Variants in CYGB observed in about 807,000 individuals in gnomAD.
CYGB encodes cytoglobin.
CYGB carries 13 observed loss-of-function variants against 20.7 expected under a neutral mutation model. The ratio of observed to expected loss-of-function variants is 0.63; its 90% CI spans 0.41 to 1.00. CYGB has a LOEUF of 1.00. Ranked by LOEUF, CYGB falls within the 50% of genes least tolerant of loss-of-function variation. CYGB has a pLI of 0.00. For synonymous variants in CYGB, 93 were observed against 107.4 expected, an observed-to-expected ratio of 0.87 and a Z score of 0.83; for missense variants, 218 against 257.2, an observed-to-expected ratio of 0.85 and a Z score of 1.04.
At chr17:76,549,780 T>C (rs888499943) in intron 1 of CYGB, among the ~76,000 whole-genome samples, 14 of 151,990 alleles carry the variant, frequency 9.2e-5, no homozygotes, top group African/African-American at 3.4e-4. Context: ...CATGGGTAAA[T>C]TGAGAGAAGC....
chr17:76,539,764 A>G (rs1057057918), upstream of CYGB, among the ~76,000 whole-genome samples: 1 of 152,176 alleles, frequency 6.6e-6, no homozygotes, highest in African/African-American at 2.4e-5. Flanking sequence ...CAACTCTGAA[A>G]GTGCCCTGTA....
intron 1 of CYGB, among the ~76,000 whole-genome samples, chr17:76,548,090 AAC>A (rs909648197): frequency 3.3e-5 from 5 of 152,034 alleles, no homozygotes; most frequent in East Asian, 1.9e-4. Flanking sequence ...ACACAAATAA[AAC>A]AGACACACAG....
Position 76,533,202 on chromosome 17 carries a change from C to T in CYGB, c.144-1511G>A, listed in dbSNP as rs1321103797. 5.3e-5 allele frequency among the ~76,000 whole-genome samples: 8 copies of T among 152,048 alleles called. No homozygotes were observed. The highest frequency in any genetic ancestry group is 4.6e-4 in the Admixed American group (7 of 15,252). On this transcript the variant is annotated intron_variant, in intron 1 of 3. Coordinates refer to ENST00000293230, the MANE Select transcript of CYGB (RefSeq NM_134268.5). The surrounding 1 kb of genome is among the most constrained non-coding windows in gnomAD (Gnocchi z 4.5). ...ACTCAGGAGGGCCCCTCTCAGAGGCCAACTGTGACCTTGGGCAAACCGCTT... is the reference window on the plus strand; with the variant it reads ...ACTCAGGAGGGCCCCTCTCAGAGGCTAACTGTGACCTTGGGCAAACCGCTT...
chr17:76,548,884 T>G (rs959146716), intron 1 of CYGB, among the ~76,000 whole-genome samples: 37 of 152,296 alleles, frequency 2.4e-4, no homozygotes, highest in Middle Eastern at 3.4e-3. Flanking sequence ...CATGACTGCC[T>G]CAGCTTCTGC....
chr17:76,544,369 G>A lies in CYGB; in HGVS notation c.-53+6493C>T, dbSNP rs1451322382. ...TGCCTCTGAAGGGAAGGAAGGGAAA[G>A]GGTGAGGGATGCCGCAGAGCAGAGG... is the stretch of plus-strand genomic sequence containing the variant. On this transcript the variant is annotated intron_variant, in intron 1 of 3. Coordinates refer to the CYGB transcript ENST00000589145. The A allele has an allele frequency of 8.8e-6, 4 of 454,802 alleles. No individual in the cohort carries two copies. The Admixed American group carries it at 9.4e-5, about 11-fold the overall frequency. 28.2% of individuals were successfully genotyped at this position (454,802 alleles called of 1,614,324 possible).
upstream of CYGB, chr17:76,540,248 G>T (rs2074971504): frequency 2.1e-6 from 3 of 1,401,430 alleles, no homozygotes; most frequent in South Asian, 2.5e-5. The surrounding 1 kb of genome is among the most constrained non-coding windows in gnomAD (Gnocchi z 5.0). Context: ...GCTGGCGGTT[G>T]GTCGGGGGGG....
upstream of CYGB, among the ~76,000 whole-genome samples, chr17:76,539,663 C>T (rs923070841): frequency 6.6e-6 from 1 of 152,184 alleles, no homozygotes; most frequent in Admixed American, 6.5e-5. Context: ...TCAGTAGCTT[C>T]GGCAGCGTCT....
In CYGB at chr17:76,531,011, C is replaced by T. The variant is rs201982892; in HGVS notation, c.507G>A (p.Val169=). 1.9e-5 allele frequency: 30 copies of T among 1,612,876 alleles called. No homozygotes were observed. The East Asian group carries it at 6.5e-4, about 35-fold the overall frequency. Residue 169 remains valine (V), a synonymous_variant, in exon 3 of 4, where the codon GTG becomes GTA. Coordinates refer to ENST00000293230, the MANE Select transcript of CYGB (RefSeq NM_134268.5). This position sits in a 1 kb window ranked among gnomAD's most constrained non-coding sequence, Gnocchi z 7.4. ...CGTTGGGGACCTGCTGCACCCAGCC[C>T]ACTTCCTTGTAGGCAGCGGTCACGT... The part of the protein sequence containing the change: ...YSHVTAAYKE[V]GWVQQVPNAT...
In CYGB at chr17:76,537,704, G is replaced by T; in HGVS notation, c.-162C>A. On this transcript the variant is annotated 5_prime_UTR_variant, in exon 1 of 4. Coordinates refer to ENST00000293230, the MANE Select transcript of CYGB (RefSeq NM_134268.5). The stretch of plus-strand genomic sequence containing the variant: ...GCGTGTGTCTGTGCGCGCCGGGTGT[G>T]TGTGTGTGTGTGCGTGCGTGTGTGC... The T allele has an allele frequency of 2.1e-6, 1 of 485,190 alleles. No individual in the cohort carries two copies. The highest frequency in any genetic ancestry group is 2.7e-6 in the Non-Finnish European group (1 of 373,830). The allele number at this position is 485,190 out of a possible 1,614,324, so 30.1% of individuals were successfully genotyped here. A position where few individuals can be genotyped will look rare whatever the true frequency, so the allele number is the denominator to read the frequency against.
At chr17:76,541,023 T>C (rs924924926), upstream of CYGB, among the ~76,000 whole-genome samples, 10 of 152,138 alleles carry the variant, frequency 6.6e-5, no homozygotes. Context: ...GGGAGGAGCA[T>C]GACATCATCA....
chr17:76,528,776 G>T lies in CYGB; in HGVS notation c.540-165C>A. On this transcript the variant is annotated intron_variant, in intron 3 of 3. Transcript: ENST00000293230. This position sits in a 1 kb window ranked among gnomAD's most constrained non-coding sequence, Gnocchi z 5.8. ...AGACCCAAGTTCTAGTCTCCGTCCT[G>T]CTACGAACGTGCTGTGTGATCTCAG... is the stretch of plus-strand genomic sequence containing the variant. 1.0e-6 allele frequency: 1 copy of T among 1,004,924 alleles called. No homozygotes were observed. The highest frequency in any genetic ancestry group is 1.3e-6 in the Non-Finnish European group (1 of 774,578). The allele number at this position is 1,004,924 out of a possible 1,614,324, so 62.3% of individuals were successfully genotyped here.
chr17:76,539,118 TGGAG>T (rs943369865), upstream of CYGB, among the ~76,000 whole-genome samples: 13 of 152,088 alleles, frequency 8.5e-5, no homozygotes, highest in African/African-American at 3.1e-4. Flanking sequence ...CTGGGGGTCT[TGGAG>T]GGGCTGGAGG....
intron 1 of CYGB, chr17:76,544,602 T>G (rs2075032497): frequency 2.2e-6 from 1 of 456,602 alleles, no homozygotes; most frequent in South Asian, 1.5e-5. Context: ...ACCCAGGCCG[T>G]GAGCCCGTGA....
Position 76,537,653 on chromosome 17 carries a change from C to A in CYGB, c.-111G>T. The A allele has an allele frequency of 8.5e-6, 8 of 937,754 alleles. No individual in the cohort carries two copies. The highest frequency in any genetic ancestry group is 7.6e-6 in the Non-Finnish European group (6 of 791,994). The allele number at this position is 937,754 out of a possible 1,614,324, so 58.1% of individuals were successfully genotyped here. Reference sequence around the variant, plus strand: ...GCCGGCTGCGTGCGCGGCGGGCGGGCGAGGGGTAGAGCGCGGAGGGAGGGA... The same window carrying A: ...GCCGGCTGCGTGCGCGGCGGGCGGGAGAGGGGTAGAGCGCGGAGGGAGGGA... On this transcript the variant is annotated 5_prime_UTR_variant, in exon 1 of 4. Transcript: ENST00000293230.
At chr17:76,541,073 A>C (rs1201496752), upstream of CYGB, among the ~76,000 whole-genome samples, 1 of 152,206 alleles carries the variant, frequency 6.6e-6, no homozygotes, top group Non-Finnish European at 1.5e-5. Context: ...TGCGGGCAGG[A>C]CGCTGTCTCC....
At chr17:76,535,827 G>A (rs979318460) in intron 1 of CYGB, among the ~76,000 whole-genome samples, 28 of 152,206 alleles carry the variant, frequency 1.8e-4, no homozygotes, top group African/African-American at 6.8e-4. Context: ...TGTGGACGGT[G>A]AGCACTTCCT....
At chr17:76,542,698 G>A, upstream of CYGB, 1 of 1,013,660 alleles carries the variant, frequency 9.9e-7, no homozygotes, top group Non-Finnish European at 1.6e-6. Context: ...GAAGCAACAG[G>A]CAAGTCCCGG....
Position 76,531,077 on chromosome 17 carries a change from C to A in CYGB, c.441G>T (p.Thr147=), listed in dbSNP as rs377291088. Residue 147 remains threonine (T), a synonymous_variant, in exon 3 of 4, where the codon ACG becomes ACT. Transcript: ENST00000293230. This position sits in a 1 kb window ranked among gnomAD's most constrained non-coding sequence, Gnocchi z 7.4. ...CACGCAGCTTGGCCCAGGCTCTCTG[C>A]GTCTCAGGTGGGAAGTCACTGGCAA... The part of the protein sequence containing the change: ...EEFASDFPPE[T]QRAWAKLRGL... 2 of 1,613,620 alleles carry A rather than the reference C, an allele frequency of 1.2e-6. No individual in the cohort carries two copies. Among genetic ancestry groups the A allele is most frequent in the African/African-American group, 1.3e-5 (1 of 74,700 alleles).
In CYGB at chr17:76,534,146, T is replaced by TTCTCTCTCTCTCTCTCTCTC. The variant is rs71158013; in HGVS notation, c.144-2475_144-2456dup. ...TCTTTCTTTCTCTCTCTCTTTCTCT[T>TTCTCTCTCTCTCTCTCTCTC]TCTCTCTCTCTCTCTCTCTCTCTCT... On this transcript the variant is annotated intron_variant, in intron 1 of 3. Coordinates refer to ENST00000293230, the MANE Select transcript of CYGB (RefSeq NM_134268.5). Among the ~76,000 whole-genome samples, 206 of 128,964 alleles carry TTCTCTCTCTCTCTCTCTCTC rather than the reference T, an allele frequency of 1.6e-3. 2 individuals carry two copies. The highest frequency in any genetic ancestry group is 2.5e-3 in the South Asian group (9 of 3,578). 84.6% of individuals were successfully genotyped at this position (128,964 alleles called of 152,430 possible). A position where few individuals can be genotyped will look rare whatever the true frequency, so the allele number is the denominator to read the frequency against.
Sources: gnomAD v4.1 joint callset for allele counts (sites outside exome capture counted in the v4.1 genomes callset) on GRCh38, gnomAD v4.1.1 for gene constraint, Gnocchi (gnomAD v3.1) non-coding constraint, MANE v1.5 for transcripts, NCBI Gene and HGNC (gene_info 2026-07-23, HGNC 2026-07-21) for gene names.